Variants in SPPL3 observed in about 807,000 individuals in gnomAD.
The protein encoded by SPPL3 is signal peptide peptidase-like 3.
SPPL3 carries 5 observed loss-of-function variants against 42.4 expected under a neutral mutation model. The observed-to-expected ratio is 0.12, with a 90% confidence interval of 0.06 to 0.25. The LOEUF (loss-of-function observed/expected upper bound fraction) is 0.25, where lower values mean the gene tolerates loss of function less well. SPPL3 is among the 10% of genes least tolerant of loss of function. The pLI is 1.00. For missense variants in SPPL3, 235 were observed against 489.0 expected, an observed-to-expected ratio of 0.48 and a Z score of 4.90; for synonymous variants, 195 against 181.8, an observed-to-expected ratio of 1.07 and a Z score of -0.58.
chr12:120,871,554 A>C (rs1872932299), intron 1 of SPPL3, among the ~76,000 whole-genome samples: 1 of 152,142 alleles, frequency 6.6e-6, no homozygotes, highest in African/African-American at 2.4e-5. Context: ...GGAGTTCGAG[A>C]CCAGCCCGGC....
At chr12:120,870,154 G>A in intron 1 of SPPL3, among the ~76,000 whole-genome samples, 1 of 151,962 alleles carries the variant, frequency 6.6e-6, no homozygotes, top group Non-Finnish European at 1.5e-5. Flanking sequence ...AAGTAATAAA[G>A]AAAAAAAAGG....
At chr12:120,856,953 G>A (rs1424791929) in intron 1 of SPPL3, among the ~76,000 whole-genome samples, 2 of 152,178 alleles carry the variant, frequency 1.3e-5, no homozygotes, top group South Asian at 2.1e-4. Flanking sequence ...GCCTGTACAA[G>A]GGGATGGAGT....
At chr12:120,781,531 C>A in intron 6 of SPPL3, among the ~76,000 whole-genome samples, 1 of 134,530 alleles carries the variant, frequency 7.4e-6, no homozygotes. Flanking sequence ...ATATTACAGT[C>A]TAATCCCATC....
chr12:120,903,726 A>ACCCCCCCCCCCCCCCCCCCCCCAC, intron 1 of SPPL3, 119 bp downstream of exon 1: 1 of 509,678 alleles, frequency 2.0e-6, no homozygotes, highest in South Asian at 2.7e-5. Context: ...GTGCACCCCA[A>ACCCCCCCCCCCCCCCCCCCCCCAC]CCCGCGCCCC....
At chr12:120,876,701 A>C (rs1316187204) in intron 1 of SPPL3, among the ~76,000 whole-genome samples, 1 of 151,574 alleles carries the variant, frequency 6.6e-6, no homozygotes, top group Non-Finnish European at 1.5e-5. Flanking sequence ...TATGTACAGC[A>C]TGCAGCTAAA....
chr12:120,788,914 T>C (rs1566042194), intron 3 of SPPL3, among the ~76,000 whole-genome samples: 1 of 152,230 alleles, frequency 6.6e-6, no homozygotes, highest in Non-Finnish European at 1.5e-5. Flanking sequence ...CTATTATTTC[T>C]TTGATTCTTG....
At chr12:120,900,301 G>T (rs898764823) in intron 1 of SPPL3, among the ~76,000 whole-genome samples, 1 of 151,474 alleles carries the variant, frequency 6.6e-6, no homozygotes, top group Non-Finnish European at 1.5e-5. Flanking sequence ...CAAACAAAGT[G>T]CAAATCTGTT....
Position 120,765,204 on chromosome 12 carries a change from C to T in SPPL3, c.1084-134G>A, listed in dbSNP as rs1210213074. 6 of 719,736 alleles carry T rather than the reference C, an allele frequency of 8.3e-6. No homozygotes were observed. The Admixed American group carries it at 9.1e-5, about 11-fold the overall frequency. The allele number at this position is 719,736 out of a possible 1,614,324, so 44.6% of individuals were successfully genotyped here. A position where few individuals can be genotyped will look rare whatever the true frequency, so the allele number is the denominator to read the frequency against. ...ATATTGGCCAGGCTGGTCTCAAACT[C>T]CTGGGCTCGGGCAATTCTCCTGCCT... On this transcript the variant is annotated intron_variant, in intron 10 of 10. Transcript: ENST00000353487.
intron 6 of SPPL3, among the ~76,000 whole-genome samples, chr12:120,770,715 CTTTCCTCAGATCT>C (rs1869087008): frequency 6.6e-6 from 1 of 152,218 alleles, no homozygotes; most frequent in African/African-American, 2.4e-5. Flanking sequence ...CTCCACGGGC[CTTTCCTCAGATCT>C]TTTCCTCTCT....
At chr12:120,774,256 G>A (rs1475786301) in intron 6 of SPPL3, among the ~76,000 whole-genome samples, 1 of 152,098 alleles carries the variant, frequency 6.6e-6, no homozygotes, top group Non-Finnish European at 1.5e-5. Flanking sequence ...CTACTTTGCT[G>A]TGTCTCCTTT....
rs1039168813 is a variant in SPPL3 at position 120,881,235 on chromosome 12, G to A, written c.23+22610C>T. Among the ~76,000 whole-genome samples the A allele has an allele frequency of 2.6e-5, 4 of 151,896 alleles. No individual in the cohort carries two copies. In the East Asian group the frequency reaches 5.8e-4, roughly 22 times the overall value. On this transcript the variant is annotated intron_variant, in intron 1 of 10. Transcript: ENST00000353487. ...TGTAATCCCAGCACTTTGGGAGGCC[G>A]AGGCGGGAGGATCATCTGAGGTCAG...
intron 6 of SPPL3, among the ~76,000 whole-genome samples, chr12:120,772,617 T>TAC (rs1869164281): frequency 6.6e-6 from 1 of 152,240 alleles, no homozygotes; most frequent in Non-Finnish European, 1.5e-5. Flanking sequence ...TATTTCATTT[T>TAC]CATAGAACTG....
chr12:120,805,700 G>A (rs1870463582), intron 2 of SPPL3, among the ~76,000 whole-genome samples: 1 of 152,054 alleles, frequency 6.6e-6, no homozygotes, highest in South Asian at 2.1e-4. Flanking sequence ...AAAATTAATT[G>A]TAGTTCTATA....
intron 1 of SPPL3, 41 bp downstream of exon 1, chr12:120,903,804 C>CA (rs1380072341): frequency 1.4e-6 from 2 of 1,452,698 alleles, no homozygotes; most frequent in Non-Finnish European, 1.8e-6. Flanking sequence ...CCCCGACCCC[C>CA]ACCCTTGCCG....
At position 120,903,732 on chromosome 12, in the gene SPPL3, GC is replaced by G. The variant is rs71076684; in HGVS notation, c.23+112del. On this transcript the variant is annotated intron_variant, in intron 1 of 10. Transcript: ENST00000353487. ...GAGGGGGGCGTGCACCCCAACCCGC[GC>G]CCCCCCCCCACGACACGCACCTGTT... 3,180 of 382,420 alleles carry G rather than the reference GC, an allele frequency of 8.3e-3. 15 individuals carry two copies. Among genetic ancestry groups the G allele is most frequent in the African/African-American group, 0.023 (996 of 43,044 alleles). The allele number at this position is 382,420 out of a possible 1,614,324, so 23.7% of individuals were successfully genotyped here.
chr12:120,848,322 G>A (rs1466273422), intron 1 of SPPL3, among the ~76,000 whole-genome samples: 1 of 152,164 alleles, frequency 6.6e-6, no homozygotes, highest in Non-Finnish European at 1.5e-5. Flanking sequence ...CCAAACCACA[G>A]CCATAAGATC....
chr12:120,783,117 T>C (rs1869598579), intron 5 of SPPL3, among the ~76,000 whole-genome samples: 1 of 152,180 alleles, frequency 6.6e-6, no homozygotes, highest in Non-Finnish European at 1.5e-5. Context: ...AAAGATGGTA[T>C]CACTCTATTT....
chr12:120,813,780 T>C (rs1359910445), intron 1 of SPPL3, among the ~76,000 whole-genome samples: 1 of 152,140 alleles, frequency 6.6e-6, no homozygotes. Context: ...CATCAGAAAC[T>C]GCCAATCAAA....
intron 6 of SPPL3, among the ~76,000 whole-genome samples, chr12:120,774,314 C>CA (rs1389653269): frequency 6.6e-6 from 1 of 152,188 alleles, no homozygotes; most frequent in African/African-American, 2.4e-5. Context: ...CTGCCACTGT[C>CA]AAACATCTGT....
Sources: gnomAD v4.1 joint callset for allele counts (sites outside exome capture counted in the v4.1 genomes callset) on GRCh38, gnomAD v4.1.1 for gene constraint, MANE v1.5 for transcripts, NCBI Gene and HGNC (gene_info 2026-07-23, HGNC 2026-07-21) for gene names.